Variants in CFAP46 observed in about 807,000 individuals in gnomAD.
CFAP46 encodes cilia- and flagella-associated protein 46.
In CFAP46, 245 loss-of-function variants were observed where a neutral mutation model predicts 325.7. The observed-to-expected ratio is 0.75, with a 90% CI of 0.68 to 0.84. The LOEUF (loss-of-function observed/expected upper bound fraction) is 0.84. CFAP46 is among the 40% of genes least tolerant of loss of function. The pLI, the probability that CFAP46 is intolerant of heterozygous loss-of-function variation, is 0.00. For synonymous variants in CFAP46, 1,523 were observed against 1,495.9 expected (o/e 1.02, Z -0.42); for missense variants, 3,346 against 3,543.0 (o/e 0.94, Z 1.41).
chr10:132,821,536 TGATGTGTGCTGTGTGCTGACG>T (rs1305508576), intron 50 of CFAP46, among the ~76,000 whole-genome samples: 37 of 133,116 alleles, frequency 2.8e-4, no homozygotes, highest in African/African-American at 1.1e-3. Flanking sequence ...TGATGTGTGC[TGATGTGTGCTGTGTGCTGACG>T]TGTGCTGTGT....
rs1009493021 is a variant in CFAP46 at position 132,884,523 on chromosome 10, C to T, written c.3627+580G>A. ...GGGGCCTGGGATGCCTTTTCGTCCCCAAGATGAAGTTCTCAGGTGCATACC... is the reference window on the plus strand; with the variant it reads ...GGGGCCTGGGATGCCTTTTCGTCCCTAAGATGAAGTTCTCAGGTGCATACC... On this transcript the variant is annotated intron_variant, in intron 27 of 57. Coordinates refer to ENST00000368586, the MANE Select transcript of CFAP46 (RefSeq NM_001200049.3). The surrounding 1 kb of genome is among the most constrained non-coding windows in gnomAD (Gnocchi z 5.4). 6.6e-6 allele frequency among the ~76,000 whole-genome samples: 1 copy of T among 152,180 alleles called. No homozygotes were observed. The highest frequency in any genetic ancestry group is 2.4e-5 in the African/African-American group (1 of 41,440).
chr10:132,940,870 C>G, intron 4 of CFAP46, 126 bp downstream of exon 4: 1 of 887,648 alleles, frequency 1.1e-6, no homozygotes, highest in Non-Finnish European at 1.8e-6. Flanking sequence ...ATCACACGTG[C>G]ATGAAAATCA....
chr10:132,899,366 G>A (rs1204202612), intron 23 of CFAP46, among the ~76,000 whole-genome samples, 169 bp downstream of exon 23: 2 of 152,330 alleles, frequency 1.3e-5, no homozygotes, highest in East Asian at 1.9e-4. Context: ...AGAGGGGGCC[G>A]CTGCACCTCC....
Position 132,835,355 on chromosome 10 carries a change from C to T in CFAP46, c.6693G>A (p.Lys2231=). 1 of 1,613,668 alleles carries T rather than the reference C, an allele frequency of 6.2e-7. No homozygotes were observed. The highest frequency in any genetic ancestry group is 1.7e-5 in the Admixed American group (1 of 60,022). Residue 2231 remains lysine (K), a synonymous_variant, in exon 47 of 58, where the codon AAG becomes AAA. Transcript: ENST00000368586. ...HLLACAQQFR[K]QTQAQVYSED... ...CACTGTACACCTGGGCCTGGGTCTGCTTCCGGAACTGCTGGGCACAGGCCA... is the reference window on the plus strand; with the variant it reads ...CACTGTACACCTGGGCCTGGGTCTGTTTCCGGAACTGCTGGGCACAGGCCA...
chr10:132,814,086 G>T, intron 54 of CFAP46, 66 bp downstream of exon 54: 1 of 1,325,088 alleles, frequency 7.5e-7, no homozygotes, highest in Non-Finnish European at 1.1e-6. Context: ...GTAGGGGGCA[G>T]TGGCTCCCCG....
intron 2 of CFAP46, 116 bp from the exon 3 acceptor site, chr10:132,941,838 A>G: frequency 6.5e-7 from 1 of 1,535,910 alleles, no homozygotes; most frequent in South Asian, 1.2e-5. Context: ...GCCTGTTTCC[A>G]GCCCCATCCT....
chr10:132,826,377 A>G (rs1388390703), intron 50 of CFAP46, among the ~76,000 whole-genome samples: 5 of 137,706 alleles, frequency 3.6e-5, no homozygotes, highest in South Asian at 2.4e-4. Context: ...GCCAGGCAGG[A>G]GCCAGAGCCA....
chr10:132,842,809 C>T (rs368275053), intron 44 of CFAP46, among the ~76,000 whole-genome samples: 45 of 152,312 alleles, frequency 3.0e-4, no homozygotes, highest in African/African-American at 4.3e-4. Context: ...GAATGACACA[C>T]GGTGAGGGGG....
Position 132,924,885 on chromosome 10 carries a change from G to A in CFAP46, c.1067C>T (p.Ala356Val), listed in dbSNP as rs777640198. 1.5e-5 allele frequency: 21 copies of A among 1,378,440 alleles called. No homozygotes were observed. Among genetic ancestry groups the A allele is most frequent in the Non-Finnish European group, 1.8e-5 (19 of 1,059,176 alleles). 85.4% of individuals were successfully genotyped at this position (1,378,440 alleles called of 1,614,324 possible). A position where few individuals can be genotyped will look rare whatever the true frequency, so the allele number is the denominator to read the frequency against. ...MKVYNRAAVE[A>V]QLDIIQRLDV... The stretch of plus-strand genomic sequence containing the variant: ...TAGCCTCTGTATGATATCCAGCTGG[G>A]CCTGCGGAGAAGACGTGGGGGATTC... The change falls in exon 11 of 58, where the codon GCC becomes GTC. Residue 356 changes from alanine to valine, a missense_variant and splice_region_variant. Ala to Val is a moderately conservative substitution (Grantham distance 64). Transcript: ENST00000368586.
chr10:132,921,983 G>A (rs1192382492), intron 13 of CFAP46, 121 bp downstream of exon 13: 29 of 1,254,514 alleles, frequency 2.3e-5, no homozygotes, highest in Non-Finnish European at 3.0e-5. Context: ...GCCGGTGCAA[G>A]GTCCTTGTGC....
At chr10:132,813,645 C>T (rs1444102104) in intron 54 of CFAP46, among the ~76,000 whole-genome samples, 6 of 68,826 alleles carry the variant, frequency 8.7e-5, no homozygotes, top group East Asian at 4.1e-4. Flanking sequence ...ACACACCTGC[C>T]CCTGCAGCCC....
intron 52 of CFAP46, 21 bp downstream of exon 52, chr10:132,814,665 C>T: frequency 6.3e-7 from 1 of 1,586,518 alleles, no homozygotes; most frequent in Non-Finnish European, 8.6e-7. Context: ...TGGGGCCCCC[C>T]CGGGGCCCAT....
At chr10:132,813,453 C>A (rs1424254887) in intron 54 of CFAP46, among the ~76,000 whole-genome samples, 2 of 141,166 alleles carry the variant, frequency 1.4e-5, no homozygotes, top group African/African-American at 5.4e-5. Flanking sequence ...TGTCCCTGCA[C>A]ACACCTGCCC....
rs116466311 is a variant in CFAP46 at position 132,815,348 on chromosome 10, C to T, written c.7118-434G>A. Among the ~76,000 whole-genome samples, 950 of 152,268 alleles carry T rather than the reference C, an allele frequency of 6.2e-3. 8 individuals carry two copies. The highest frequency in any genetic ancestry group is 0.022 in the African/African-American group (897 of 41,538). ...TGGCCACTTCCCTCCTGTTTCTGCC[C>T]CCGACTTTCCTTTCTGTGTGCCTAT... On this transcript the variant is annotated intron_variant, in intron 50 of 57. Transcript: ENST00000368586.
In CFAP46 at chr10:132,846,051, G is replaced by A. The variant is rs755918241; in HGVS notation, c.6438+6C>T. The A allele has an allele frequency of 9.4e-5, 150 of 1,600,324 alleles. No homozygotes were observed. The South Asian group carries it at 9.7e-4, about 10-fold the overall frequency. On this transcript the variant is annotated splice_donor_region_variant and intron_variant, in intron 44 of 57. Transcript: ENST00000368586. ...GGCAGGTTCAGCGGCATCCGTGCCC[G>A]CTTACCTTGGACACGGCGGCCAGCC...
rs561563985 is a variant in CFAP46 at position 132,808,936 on chromosome 10, C to T, written c.7665-32G>A. On this transcript the variant is annotated intron_variant, in intron 57 of 57. Coordinates refer to ENST00000368586, the MANE Select transcript of CFAP46 (RefSeq NM_001200049.3). This position sits in a 1 kb window ranked among gnomAD's most constrained non-coding sequence, Gnocchi z 6.8. ...AGAAAGGGGCGGGAGCTATGAACCC[C>T]GAGGCCCCGCAGGACGTCCAGCCCG... 1.0e-5 allele frequency: 16 copies of T among 1,535,808 alleles called. No homozygotes were observed. Among genetic ancestry groups the T allele is most frequent in the African/African-American group, 8.2e-5 (6 of 73,246 alleles).
Position 132,911,926 on chromosome 10 carries a change from T to C in CFAP46, c.2499+729A>G, listed in dbSNP as rs1266463191. On this transcript the variant is annotated intron_variant, in intron 19 of 57. Coordinates refer to ENST00000368586, the MANE Select transcript of CFAP46 (RefSeq NM_001200049.3). ...GGTCTTGTTTTCCTCTCTCCAGCCC[T>C]GGCCTTATTTCCCAGTAACTGGAGC... is the stretch of plus-strand genomic sequence containing the variant. 2.0e-5 allele frequency among the ~76,000 whole-genome samples: 3 copies of C among 152,120 alleles called. No homozygotes were observed. In the East Asian group the frequency reaches 5.8e-4, roughly 29 times the overall value.
At chr10:132,810,348 C>A in intron 57 of CFAP46, 61 bp downstream of exon 57, 1 of 1,425,450 alleles carries the variant, frequency 7.0e-7, no homozygotes, top group Non-Finnish European at 9.9e-7. Flanking sequence ...TGCACGTGCC[C>A]CATGGGCAGT....
Position 132,894,951 on chromosome 10 carries a change from ACCC to A in CFAP46, c.3220-2537_3220-2535del, listed in dbSNP as rs1435675798. Among the ~76,000 whole-genome samples the A allele has an allele frequency of 2.6e-3, 391 of 152,324 alleles. 2 individuals are homozygous for A. Among genetic ancestry groups the A allele is most frequent in the African/African-American group, 9.0e-3 (375 of 41,572 alleles). On this transcript the variant is annotated intron_variant, in intron 24 of 57. Transcript: ENST00000368586. ...AAGAAAAAGAAACACTCCTGGGTTC[ACCC>A]TATGAGGCCAGCATTACTCTGCTAT...
Sources: allele counts gnomAD v4.1 joint callset (sites outside exome capture counted in the v4.1 genomes callset), GRCh38; gene constraint gnomAD v4.1.1; non-coding constraint Gnocchi (gnomAD v3.1); transcripts MANE v1.5; gene names NCBI Gene and HGNC (gene_info 2026-07-23, HGNC 2026-07-21).